Variants in PIK3C2G observed in about 807,000 individuals in gnomAD.
The protein encoded by PIK3C2G is phosphatidylinositol-4-phosphate 3-kinase catalytic subunit type 2 gamma, also known as phosphatidylinositol 3-kinase C2 domain-containing subunit gamma.
PIK3C2G carries 168 observed loss-of-function variants against 181.1 expected under a neutral mutation model. The ratio of observed to expected loss-of-function variants is 0.93; its 90% CI spans 0.82 to 1.05. The LOEUF is 1.05. Among genes scored for constraint, PIK3C2G ranks in the 50% least tolerant of loss-of-function variants. The pLI is 0.00. For missense variants in PIK3C2G, 1,869 were observed against 1,732.8 expected, an observed-to-expected ratio of 1.08 and a Z score of -1.40; for synonymous variants, 573 against 592.2, an observed-to-expected ratio of 0.97 and a Z score of 0.47.
intron 30 of PIK3C2G, among the ~76,000 whole-genome samples, chr12:18,599,396 G>C (rs1196576033): frequency 6.6e-6 from 1 of 151,360 alleles, no homozygotes; most frequent in African/African-American, 2.4e-5. Flanking sequence ...ACTATCGCAA[G>C]AGCAAAAAAC....
chr12:18,419,740 A>C (rs1945371952), intron 16 of PIK3C2G, among the ~76,000 whole-genome samples: 1 of 152,188 alleles, frequency 6.6e-6, no homozygotes, highest in Non-Finnish European at 1.5e-5. Context: ...TTATAGGTAA[A>C]ATTCTTGTTG....
chr12:18,381,460 T>G (rs953528020), intron 13 of PIK3C2G, among the ~76,000 whole-genome samples: 1 of 152,172 alleles, frequency 6.6e-6, no homozygotes, highest in Admixed American at 6.5e-5. Context: ...TAGTCCCACT[T>G]TATAATCACC....
the PIK3C2G span, among the ~76,000 whole-genome samples, chr12:18,678,827 A>G: frequency 2.0e-5 from 3 of 152,162 alleles, no homozygotes; most frequent in Non-Finnish European, 2.9e-5. Context: ...TTGTGTGGAC[A>G]TGTGTTTTCA....
chr12:18,252,983 G>T (rs1948109458), intron 1 of PIK3C2G, among the ~76,000 whole-genome samples: 1 of 152,090 alleles, frequency 6.6e-6, no homozygotes, highest in South Asian at 2.1e-4. Flanking sequence ...GACGTATGGG[G>T]AAACTTTCCC....
At chr12:18,259,838 A>G (rs993884926), upstream of PIK3C2G, among the ~76,000 whole-genome samples, 1 of 152,118 alleles carries the variant, frequency 6.6e-6, no homozygotes, top group African/African-American at 2.4e-5. Flanking sequence ...AACGGAGTAG[A>G]CTACTACCAG....
At chr12:18,390,795 T>C (rs1395016449) in intron 14 of PIK3C2G, among the ~76,000 whole-genome samples, 1 of 152,162 alleles carries the variant, frequency 6.6e-6, no homozygotes, top group African/African-American at 2.4e-5. Flanking sequence ...GTAAAAAGGA[T>C]ATAATGTTAG....
intron 11 of PIK3C2G, chr12:18,358,783 TG>T (rs1940976675): frequency 3.1e-6 from 1 of 325,988 alleles, no homozygotes; most frequent in Admixed American, 3.8e-5. Context: ...ATGGGGGCTT[TG>T]GAAAATTAGA....
At chr12:18,414,095 G>A (rs1299252198) in intron 16 of PIK3C2G, among the ~76,000 whole-genome samples, 1 of 152,108 alleles carries the variant, frequency 6.6e-6, no homozygotes, top group African/African-American at 2.4e-5. Flanking sequence ...AAATTCTCCA[G>A]AGGTATTCTA....
intron 14 of PIK3C2G, among the ~76,000 whole-genome samples, chr12:18,382,964 CCTAAAGGTCCACTT>C (rs1319473376): frequency 1.3e-5 from 2 of 152,036 alleles, no homozygotes; most frequent in Admixed American, 6.5e-5. Context: ...CCACGTGACA[CCTAAAGGTCCACTT>C]CTAATCTGTG....
At chr12:18,558,950 T>A (rs572122761) in intron 26 of PIK3C2G, among the ~76,000 whole-genome samples, 1 of 152,284 alleles carries the variant, frequency 6.6e-6, no homozygotes, top group South Asian at 2.1e-4. Flanking sequence ...CATTGCTAAA[T>A]CCCATCACCA....
chr12:18,644,964 T>G (rs1203421567), intron 32 of PIK3C2G, among the ~76,000 whole-genome samples: 2 of 152,212 alleles, frequency 1.3e-5, no homozygotes. Flanking sequence ...TAATGTTCAG[T>G]AAATTCTTGG....
chr12:18,479,731 A>T (rs951293666), intron 18 of PIK3C2G, among the ~76,000 whole-genome samples: 12 of 152,168 alleles, frequency 7.9e-5, no homozygotes, highest in African/African-American at 2.9e-4. Flanking sequence ...AGTAGAAAAC[A>T]GTCTTTCAAA....
intron 12 of PIK3C2G, among the ~76,000 whole-genome samples, chr12:18,369,355 C>T (rs1420679265): frequency 2.6e-5 from 4 of 152,206 alleles, no homozygotes. Context: ...TCTTTCATCT[C>T]CTTGTCTCAT....
chr12:18,658,804 TTAC>T, the PIK3C2G span, among the ~76,000 whole-genome samples: 9 of 152,160 alleles, frequency 5.9e-5, no homozygotes, highest in African/African-American at 1.7e-4. Flanking sequence ...GCTTAGGTAT[TTAC>T]TACAATAGAA....
intron 8 of PIK3C2G, among the ~76,000 whole-genome samples, chr12:18,328,242 T>A (rs976872774): frequency 2.6e-5 from 4 of 151,928 alleles, no homozygotes; most frequent in African/African-American, 9.7e-5. Flanking sequence ...ATCTAGCCCA[T>A]GACTCAGAGG....
At chr12:18,571,695 G>T (rs1197178641) in intron 29 of PIK3C2G, among the ~76,000 whole-genome samples, 1 of 150,744 alleles carries the variant, frequency 6.6e-6, no homozygotes, top group Non-Finnish European at 1.5e-5. Flanking sequence ...GTGTCTGCAT[G>T]ATACAACTTT....
At chr12:18,285,269 T>C (rs1949394399) in intron 2 of PIK3C2G, 1 of 152,122 alleles carries the variant, frequency 6.6e-6, no homozygotes, top group Non-Finnish European at 1.5e-5. Context: ...CCACTGAGTA[T>C]AAGTTTCAAA....
At chr12:18,558,179 C>T (rs868036373) in intron 26 of PIK3C2G, among the ~76,000 whole-genome samples, 5 of 152,044 alleles carry the variant, frequency 3.3e-5, no homozygotes, top group South Asian at 4.1e-4. Flanking sequence ...TGCAACAAAA[C>T]GAGGAGGCCA....
the PIK3C2G span, among the ~76,000 whole-genome samples, chr12:18,701,128 G>C: frequency 2.0e-5 from 3 of 151,940 alleles, no homozygotes; most frequent in African/African-American, 7.3e-5. Context: ...GGAACTACAG[G>C]CATGCGTCAC....
Sources: allele counts gnomAD v4.1 joint callset (sites outside exome capture counted in the v4.1 genomes callset), GRCh38; gene constraint gnomAD v4.1.1; transcripts MANE v1.5; gene names NCBI Gene and HGNC (gene_info 2026-07-23, HGNC 2026-07-21).